CNTN5: variants seen among roughly 807,000 people sequenced by gnomAD.
The protein encoded by CNTN5 is contactin-5.
In CNTN5, 77 loss-of-function variants were observed where a neutral mutation model predicts 129.1. The observed-to-expected ratio is 0.60, with a 90% CI of 0.50 to 0.72. The LOEUF (loss-of-function observed/expected upper bound fraction) is 0.72. Ranked by LOEUF, CNTN5 falls within the 30% of genes least tolerant of loss-of-function variation. The pLI is 0.00. For synonymous variants in CNTN5, 509 were observed against 465.6 expected (o/e 1.09, Z -1.20); for missense variants, 1,478 against 1,328.8 (o/e 1.11, Z -1.75).
intron 7 of CNTN5, among the ~76,000 whole-genome samples, chr11:99,931,972 C>T (rs985397042): frequency 6.6e-6 from 1 of 152,112 alleles, no homozygotes; most frequent in Non-Finnish European, 1.5e-5. Context: ...CAATATCTCC[C>T]CATCACCTGT....
chr11:100,034,526 T>C (rs534492754), intron 9 of CNTN5, among the ~76,000 whole-genome samples: 1 of 152,336 alleles, frequency 6.6e-6, no homozygotes, highest in African/African-American at 2.4e-5. Context: ...CCTCTAACCT[T>C]GCTTATTTTC....
intron 3 of CNTN5, among the ~76,000 whole-genome samples, chr11:99,735,603 C>G (rs569321989): frequency 2.0e-5 from 3 of 152,216 alleles, no homozygotes; most frequent in Admixed American, 6.5e-5. Context: ...GTAGAATAAG[C>G]CAAATTTCTG....
At position 100,255,753 on chromosome 11, in the gene CNTN5, C is replaced by T. The variant is rs188794463; in HGVS notation, c.2006-7C>T. 5.6e-4 allele frequency: 901 copies of T among 1,612,954 alleles called. No homozygotes were observed. Among genetic ancestry groups the T allele is most frequent in the Admixed American group, 8.8e-4 (53 of 59,990 alleles). ...GCTTAACTTTATCCATTGCCTTTGA[C>T]CTATAGGACCCCCAGGCCCACCTGG... On this transcript the variant is annotated splice_polypyrimidine_tract_variant and splice_region_variant and intron_variant, in intron 16 of 24. Transcript: ENST00000524871.
rs201422329 is a variant in CNTN5, at chr11:99,819,683, T to C, written c.195T>C (p.Ser65=). 1.2e-5 allele frequency: 19 copies of C among 1,612,852 alleles called. No homozygotes were observed. The Admixed American group carries it at 3.2e-4, about 27-fold the overall frequency. ...SSPSLGTLSA[S]SPSWLGAAQN... The stretch of plus-strand genomic sequence containing the variant: ...CTTCATTAGGAACACTGAGTGCTTC[T>C]TCACCCAGCTGGCTAGGGGCAGCTC... The change falls in exon 4 of 25, where the codon TCT becomes TCC. Residue 65 remains serine, a synonymous_variant. Transcript: ENST00000524871.
In CNTN5 at chr11:99,274,897, A is replaced by G. The variant is rs560114908; in HGVS notation, c.-209-50449A>G. On this transcript the variant is annotated intron_variant, in intron 1 of 24. Coordinates refer to ENST00000524871, the MANE Select transcript of CNTN5 (RefSeq NM_014361.4). The stretch of plus-strand genomic sequence containing the variant: ...AATGCTGTGTATAGTAATTAATATT[A>G]TTAATTACCAGTAGTTGTAGTATCA... Among the ~76,000 whole-genome samples the G allele has an allele frequency of 4.8e-3, 732 of 151,700 alleles. 2 individuals are homozygous for G. The highest frequency in any genetic ancestry group is 8.3e-3 in the Non-Finnish European group (563 of 67,740).
intron 13 of CNTN5, among the ~76,000 whole-genome samples, chr11:100,147,243 C>CTATT (rs1163126919): frequency 6.6e-6 from 1 of 152,106 alleles, no homozygotes; most frequent in East Asian, 1.9e-4. Context: ...CTGGCTTATA[C>CTATT]TATTTTCTCT....
At chr11:99,881,027 G>C (rs1159483760) in intron 6 of CNTN5, among the ~76,000 whole-genome samples, 1 of 152,240 alleles carries the variant, frequency 6.6e-6, no homozygotes, top group African/African-American at 2.4e-5. Context: ...TTGACTTTAA[G>C]AGTTGCAAAC....
intron 13 of CNTN5, among the ~76,000 whole-genome samples, chr11:100,160,246 T>C (rs1016483227): frequency 5.3e-5 from 8 of 151,958 alleles, no homozygotes; most frequent in African/African-American, 1.9e-4. Context: ...GCAAAGAACA[T>C]GAATTCAACT....
At chr11:99,289,242 A>G (rs1381328) in intron 1 of CNTN5, among the ~76,000 whole-genome samples, 11,316 of 151,826 alleles carry the variant, frequency 0.075, 1,182 homozygotes, top group African/African-American at 0.23. Flanking sequence ...CTTTGTCGTT[A>G]CTTATGGTTC....
chr11:99,506,531 C>T (rs750011680), intron 2 of CNTN5, among the ~76,000 whole-genome samples: 11 of 151,786 alleles, frequency 7.2e-5, no homozygotes, highest in Admixed American at 1.3e-4. Context: ...AGACGATTTG[C>T]GCCTTGAAAA....
At chr11:99,113,961 C>T (rs889997867) in intron 1 of CNTN5, among the ~76,000 whole-genome samples, 34 of 152,134 alleles carry the variant, frequency 2.2e-4, no homozygotes, top group African/African-American at 8.0e-4. Flanking sequence ...AATCCCACAG[C>T]ACTTGGTGCA....
At chr11:100,295,045 G>A (rs766981374) in intron 18 of CNTN5, among the ~76,000 whole-genome samples, 3 of 151,556 alleles carry the variant, frequency 2.0e-5, no homozygotes, top group Non-Finnish European at 3.0e-5. Flanking sequence ...TTCCATTAGT[G>A]AATCCGATTA....
rs74964328 is a variant in CNTN5 at position 99,862,695 on chromosome 11, A to T, written c.577+17433A>T. Reference sequence around the variant, plus strand: ...TAAATCACTGGTAAACAATGACAGGAAAAACACAAGGCCAACCAGTGATTC... The same window carrying T: ...TAAATCACTGGTAAACAATGACAGGTAAAACACAAGGCCAACCAGTGATTC... On this transcript the variant is annotated intron_variant, in intron 6 of 24. Coordinates refer to ENST00000524871, the MANE Select transcript of CNTN5 (RefSeq NM_014361.4). 7.4e-3 allele frequency among the ~76,000 whole-genome samples: 1,125 copies of T among 152,238 alleles called. 56 individuals carry two copies. In the East Asian group the frequency reaches 0.12, roughly 16 times the overall value.
chr11:100,262,949 A>C (rs116702989), intron 17 of CNTN5, among the ~76,000 whole-genome samples: 259 of 152,234 alleles, frequency 1.7e-3, no homozygotes, highest in African/African-American at 5.8e-3. Context: ...AAAAAAAAGA[A>C]AATCTGATAT....
chr11:100,056,761 G>A (rs1943244854), intron 9 of CNTN5, among the ~76,000 whole-genome samples: 1 of 151,474 alleles, frequency 6.6e-6, no homozygotes, highest in Admixed American at 6.6e-5. Context: ...GGGGAGGAGT[G>A]AGCAGACTCC....
At position 99,725,447 on chromosome 11, in the gene CNTN5, T is replaced by A. The variant is rs572223763; in HGVS notation, c.56-94097T>A. ...TATTAAATTTTTATTTTAATAATTT[T>A]TATATATATGCATTGTAGGCAAAGT... On this transcript the variant is annotated intron_variant, in intron 3 of 24. Coordinates refer to ENST00000524871, the MANE Select transcript of CNTN5 (RefSeq NM_014361.4). Among the ~76,000 whole-genome samples the A allele has an allele frequency of 7.9e-5, 12 of 151,796 alleles. No homozygotes were observed. In the South Asian group the frequency reaches 8.3e-4, roughly 10 times the overall value.
At chr11:99,133,860 A>G (rs1270949917) in intron 1 of CNTN5, among the ~76,000 whole-genome samples, 2 of 152,158 alleles carry the variant, frequency 1.3e-5, no homozygotes, top group Admixed American at 6.6e-5. Context: ...GATTCCTCAA[A>G]TATTTAGAAC....
chr11:99,471,833 A>T (rs1456927807), intron 2 of CNTN5, among the ~76,000 whole-genome samples: 2 of 152,142 alleles, frequency 1.3e-5, no homozygotes, highest in East Asian at 1.9e-4. Context: ...TCCCAGAAAG[A>T]TTATAATGTC....
chr11:99,135,629 G>A (rs1859178560), intron 1 of CNTN5, among the ~76,000 whole-genome samples: 1 of 61,564 alleles, frequency 1.6e-5, no homozygotes, highest in Non-Finnish European at 2.9e-5. Flanking sequence ...TTCTTTGATT[G>A]TCATAAAGTT....
Sources: allele counts gnomAD v4.1 joint callset (sites outside exome capture counted in the v4.1 genomes callset), GRCh38; gene constraint gnomAD v4.1.1; transcripts MANE v1.5; gene names NCBI Gene and HGNC (gene_info 2026-07-23, HGNC 2026-07-21).